The following COL4A5 variants were observed in gnomAD, a reference collection of about 807,000 sequenced individuals.
COL4A5 encodes the protein collagen type IV alpha 5 chain.
Under a neutral mutation model 130.2 loss-of-function variants are expected in COL4A5, and 26 were observed. The ratio of observed to expected loss-of-function variants is 0.20; its 90% CI spans 0.15 to 0.28. COL4A5 has a LOEUF of 0.28. Among genes scored for constraint, COL4A5 ranks in the 10% least tolerant of loss-of-function variants. The pLI is 1.00. For missense variants in COL4A5, 1,131 were observed against 1,344.3 expected, an observed-to-expected ratio of 0.84 and a Z score of 2.48; for synonymous variants, 496 against 439.6, an observed-to-expected ratio of 1.13 and a Z score of -1.60.
chrX:108,661,974 C>T (rs1240378939), intron 37 of COL4A5, among the ~76,000 whole-genome samples: 1 of 107,991 alleles, frequency 9.3e-6, no homozygotes, highest in Non-Finnish European at 1.9e-5. Context: ...GCACAATGTG[C>T]AGGTTTGTTA....
chrX:108,609,197 G>A (rs1379707317), intron 29 of COL4A5, among the ~76,000 whole-genome samples: 1 of 111,899 alleles, frequency 8.9e-6, no homozygotes, highest in Non-Finnish European at 1.9e-5. Context: ...AGTTGTACTA[G>A]AAACTACTAG....
chrX:108,593,660 C>G (rs1340068383), intron 21 of COL4A5, among the ~76,000 whole-genome samples: 2 of 111,384 alleles, frequency 1.8e-5, no homozygotes, highest in African/African-American at 6.6e-5. Context: ...TACTATAGAA[C>G]AAAAGATCAT....
At chrX:108,638,766 T>C (rs2067400973) in intron 36 of COL4A5, among the ~76,000 whole-genome samples, 1 of 112,004 alleles carries the variant, frequency 8.9e-6, no homozygotes, top group Admixed American at 9.5e-5. Context: ...CAGTTTTGAA[T>C]GTTTTGATGC....
intron 1 of COL4A5, among the ~76,000 whole-genome samples, chrX:108,522,054 T>C (rs1406219860): frequency 2.7e-5 from 3 of 111,168 alleles, no homozygotes; most frequent in African/African-American, 9.8e-5. Context: ...AGTAAAATCA[T>C]GCAACGTGTG....
rs143647223 is a variant in COL4A5 at position 108,615,122 on chromosome X, A to T, written c.2509+98A>T. On this transcript the variant is annotated intron_variant, in intron 30 of 52. Transcript: ENST00000328300. Reference sequence around the variant, plus strand: ...ACCTACAAAACAGTCTTCCAGAAGCAGACTTAAAAGGCAATCTATCTATGT... The same window carrying T: ...ACCTACAAAACAGTCTTCCAGAAGCTGACTTAAAAGGCAATCTATCTATGT... The T allele has an allele frequency of 8.9e-5, 54 of 604,829 alleles. 1 individual carries two copies. The highest frequency in any genetic ancestry group is 6.9e-4 in the African/African-American group (31 of 45,222). The allele number at this position is 604,829 out of a possible 1,213,427, so 49.8% of individuals were successfully genotyped here. A position where few individuals can be genotyped will look rare whatever the true frequency, so the allele number is the denominator to read the frequency against.
At chrX:108,646,774 T>A (rs772845305) in intron 36 of COL4A5, among the ~76,000 whole-genome samples, 1 of 111,429 alleles carries the variant, frequency 9.0e-6, no homozygotes, top group Non-Finnish European at 1.9e-5. Context: ...GTAAGGAAGG[T>A]ATCCAGTTTC....
chrX:108,489,697 G>A (rs1203317746), intron 1 of COL4A5, among the ~76,000 whole-genome samples: 1 of 111,576 alleles, frequency 9.0e-6, no homozygotes, highest in African/African-American at 3.3e-5. Context: ...TTTCCTAGCT[G>A]TTCATAGTTT....
chrX:108,452,820 C>T (rs879204272), intron 1 of COL4A5, among the ~76,000 whole-genome samples: 1 of 111,212 alleles, frequency 9.0e-6, no homozygotes, highest in Non-Finnish European at 1.9e-5. Flanking sequence ...CCTTTATTTC[C>T]TTCTCCTGCC....
intron 19 of COL4A5, among the ~76,000 whole-genome samples, chrX:108,589,937 A>G (rs918537167): frequency 7.2e-5 from 8 of 111,577 alleles, no homozygotes; most frequent in Admixed American, 5.7e-4. Flanking sequence ...ACAAATCAAT[A>G]AGAGAAAAAA....
At chrX:108,460,698 C>T (rs1479224920) in intron 1 of COL4A5, among the ~76,000 whole-genome samples, 2 of 69,733 alleles carry the variant, frequency 2.9e-5, no homozygotes, top group Non-Finnish European at 4.9e-5. Context: ...AGTAGAGATG[C>T]GATTTCACCA....
At chrX:108,636,490 C>T (rs2067356886) in intron 36 of COL4A5, among the ~76,000 whole-genome samples, 1 of 109,614 alleles carries the variant, frequency 9.1e-6, no homozygotes, top group Non-Finnish European at 1.9e-5. Flanking sequence ...CAAATGATAC[C>T]ATCAAGAAAG....
At chrX:108,503,024 A>G (rs998706620) in intron 1 of COL4A5, among the ~76,000 whole-genome samples, 1 of 111,901 alleles carries the variant, frequency 8.9e-6, no homozygotes, top group African/African-American at 3.2e-5. Flanking sequence ...TGACTTACAG[A>G]GCATCTCACC....
intron 1 of COL4A5, among the ~76,000 whole-genome samples, chrX:108,501,271 A>G (rs1211746933): frequency 8.9e-6 from 1 of 111,875 alleles, no homozygotes; most frequent in Non-Finnish European, 1.9e-5. Context: ...TTCCTAATCC[A>G]TAATGCTGCT....
At chrX:108,521,578 T>G (rs995861284) in intron 1 of COL4A5, among the ~76,000 whole-genome samples, 3 of 111,346 alleles carry the variant, frequency 2.7e-5, no homozygotes, top group African/African-American at 9.8e-5. Context: ...CTTGTCTGCT[T>G]TACATCACCT....
intron 25 of COL4A5, 31 bp from the exon 26 acceptor site, chrX:108,601,361 CT>C (rs1413753317): frequency 1.0e-6 from 1 of 994,806 alleles, no homozygotes; most frequent in African/African-American, 1.9e-5. Flanking sequence ...GTAAATACTT[CT>C]CATTTACCAT....
chrX:108,534,528 TA>T (rs1286282325), intron 1 of COL4A5, among the ~76,000 whole-genome samples: 1 of 110,855 alleles, frequency 9.0e-6, no homozygotes, highest in East Asian at 2.8e-4. Flanking sequence ...ATGTGGGAGC[TA>T]AAAAATTGAC....
At chrX:108,690,465 T>G (rs1569508720) in intron 49 of COL4A5, among the ~76,000 whole-genome samples, 1 of 112,400 alleles carries the variant, frequency 8.9e-6, no homozygotes, top group Admixed American at 9.5e-5. Flanking sequence ...TCTATTGGTC[T>G]TTTATCAGTC....
intron 1 of COL4A5, among the ~76,000 whole-genome samples, chrX:108,521,836 A>T (rs979620377): frequency 4.5e-5 from 5 of 111,445 alleles, no homozygotes; most frequent in African/African-American, 1.6e-4. Context: ...TACATACCAT[A>T]CATTTTACCC....
chrX:108,670,773 G>A, intron 42 of COL4A5: 1 of 307,477 alleles, frequency 3.3e-6, no homozygotes, highest in Admixed American at 3.3e-5. Flanking sequence ...CGGGCACCAT[G>A]GCTCATGACT....
Sources: allele counts gnomAD v4.1 joint callset (sites outside exome capture counted in the v4.1 genomes callset), GRCh38; gene constraint gnomAD v4.1.1; transcripts MANE v1.5; gene names NCBI Gene and HGNC (gene_info 2026-07-23, HGNC 2026-07-21).